Variants in TECTA observed in about 807,000 individuals in gnomAD.
TECTA encodes alpha-tectorin.
In TECTA, 128 loss-of-function variants were observed where a neutral mutation model predicts 216.8. The observed-to-expected ratio is 0.59, with a 90% CI of 0.51 to 0.68. The LOEUF (loss-of-function observed/expected upper bound fraction) is 0.68. Among genes scored for constraint, TECTA ranks in the 30% least tolerant of loss-of-function variants. The pLI is 0.00. For missense variants in TECTA, 2,551 were observed against 2,786.2 expected, an observed-to-expected ratio of 0.92 and a Z score of 1.90; for synonymous variants, 1,089 against 1,117.1, an observed-to-expected ratio of 0.97 and a Z score of 0.50.
chr11:121,137,313 C>A, intron 10 of TECTA, 108 bp from the exon 11 acceptor site: 1 of 1,431,790 alleles, frequency 7.0e-7, no homozygotes, highest in Non-Finnish European at 9.8e-7. Context: ...CACACACGCA[C>A]ATGCACTCAC....
intron 3 of TECTA, 57 bp downstream of exon 3, chr11:121,106,021 A>G (rs1421876087): frequency 6.2e-7 from 1 of 1,613,602 alleles, no homozygotes; most frequent in African/African-American, 1.3e-5. Flanking sequence ...GTTTGTCATT[A>G]AGAAAAGCAT....
intron 15 of TECTA, among the ~76,000 whole-genome samples, chr11:121,161,555 C>T (rs1354480226): frequency 3.7e-5 from 2 of 53,484 alleles, no homozygotes; most frequent in Non-Finnish European, 8.6e-5. Context: ...CCCTTCCCTT[C>T]CCTTCCCTTC....
chr11:121,155,705 G>A (rs900612725), intron 13 of TECTA, among the ~76,000 whole-genome samples: 1 of 152,124 alleles, frequency 6.6e-6, no homozygotes, highest in Admixed American at 6.6e-5. Flanking sequence ...TCTGGATAAC[G>A]CTATTTTGGT....
chr11:121,160,230 C>T lies in TECTA; in HGVS notation c.4785C>T (p.Asp1595=). Residue 1595 remains aspartate (D), a synonymous_variant, in exon 15 of 24, where the codon GAC becomes GAT. Transcript: ENST00000392793. The part of the protein sequence containing the change: ...EGFLVIDTSP[D]IQIYYNGFNV... ...TTCTGGTGATTGACACCAGCCCAGA[C>T]ATCCAGATATACTACAATGGTTTCA... 6.2e-7 allele frequency: 1 copy of T among 1,614,222 alleles called. No individual in the cohort carries two copies. The highest frequency in any genetic ancestry group is 1.3e-5 in the African/African-American group (1 of 75,064).
At chr11:121,104,087 C>T (rs532548021) in intron 2 of TECTA, among the ~76,000 whole-genome samples, 1 of 152,240 alleles carries the variant, frequency 6.6e-6, no homozygotes, top group Admixed American at 6.5e-5. Flanking sequence ...TCTTTCCATA[C>T]AGATGATGAT....
chr11:121,169,059 A>T, intron 20 of TECTA, 134 bp downstream of exon 20: 2 of 1,376,006 alleles, frequency 1.5e-6, no homozygotes, highest in Non-Finnish European at 2.0e-6. Context: ...TTATTAATTC[A>T]TCTAATTCTC....
intron 20 of TECTA, among the ~76,000 whole-genome samples, chr11:121,174,403 G>T (rs543901140): frequency 2.4e-4 from 37 of 151,936 alleles, no homozygotes; most frequent in Admixed American, 4.6e-4. Flanking sequence ...AGCATGAAGG[G>T]TTGTTGAATT....
rs117691346 is a variant in TECTA, at chr11:121,125,111, C to T, written c.1204-191C>T. ...CCATATACACAGTGCGTGGGCTGGCCCACAAGCAGCTCTCTCCATTTCCCC... is the reference window on the plus strand; with the variant it reads ...CCATATACACAGTGCGTGGGCTGGCTCACAAGCAGCTCTCTCCATTTCCCC... On this transcript the variant is annotated intron_variant, in intron 7 of 23. Transcript: ENST00000392793. 5.9e-5 allele frequency among the ~76,000 whole-genome samples: 9 copies of T among 152,348 alleles called. No homozygotes were observed. The East Asian group carries it at 1.7e-3, about 29-fold the overall frequency.
intron 3 of TECTA, 148 bp from the exon 4 acceptor site, chr11:121,109,063 G>A (rs1946419076): frequency 6.1e-6 from 5 of 822,564 alleles, no homozygotes; most frequent in Non-Finnish European, 9.7e-6. Flanking sequence ...CTTAGTCTGA[G>A]CAATGGAACC....
chr11:121,153,101 C>T lies in TECTA; in HGVS notation c.4305+21C>T, dbSNP rs1946908624. The T allele has an allele frequency of 2.5e-6, 4 of 1,604,038 alleles. No individual in the cohort carries two copies. In the African/African-American group the frequency reaches 4.0e-5, roughly 16 times the overall value. On this transcript the variant is annotated intron_variant, in intron 13 of 23. Transcript: ENST00000392793. ...ACGAGGTATGGGAGGCCAGCCCGGCCTTTTCCTCCTTGCCAATGATCAGAT... is the reference window on the plus strand; with the variant it reads ...ACGAGGTATGGGAGGCCAGCCCGGCTTTTTCCTCCTTGCCAATGATCAGAT...
At chr11:121,132,456 T>A (rs369885777) in intron 10 of TECTA, among the ~76,000 whole-genome samples, 11 of 152,198 alleles carry the variant, frequency 7.2e-5, no homozygotes, top group African/African-American at 2.7e-4. Flanking sequence ...CAAGGATCTC[T>A]GGTTCCTTCG....
chr11:121,126,688 G>A (rs1172334881), intron 8 of TECTA, among the ~76,000 whole-genome samples: 2 of 152,218 alleles, frequency 1.3e-5, no homozygotes, highest in African/African-American at 4.8e-5. Context: ...CAAGGCTAGA[G>A]GGAGAATTCT....
At chr11:121,169,878 T>A (rs1947093853) in intron 20 of TECTA, among the ~76,000 whole-genome samples, 1 of 152,202 alleles carries the variant, frequency 6.6e-6, no homozygotes, top group Non-Finnish European at 1.5e-5. Context: ...TCAAATCTTG[T>A]CTTCTGGCTA....
rs555308892 is a variant in TECTA, at chr11:121,103,436, G to A, written c.64+707G>A. Among the ~76,000 whole-genome samples the A allele has an allele frequency of 2.6e-4, 39 of 152,238 alleles. No homozygotes were observed. The South Asian group carries it at 3.7e-3, about 15-fold the overall frequency. Reference sequence around the variant, plus strand: ...ATGAGTACAAGTCTGAGATGAACACGTCAAGCCCCTGTGCAGTGCTAATAT... The same window carrying A: ...ATGAGTACAAGTCTGAGATGAACACATCAAGCCCCTGTGCAGTGCTAATAT... On this transcript the variant is annotated intron_variant, in intron 2 of 23. Transcript: ENST00000392793.
At chr11:121,126,588 G>T (rs192294063) in intron 8 of TECTA, among the ~76,000 whole-genome samples, 2 of 152,132 alleles carry the variant, frequency 1.3e-5, no homozygotes, top group Admixed American at 6.5e-5. Context: ...CCTAGTCCTT[G>T]GTTTTCTCCA....
rs1257615080 is a variant in TECTA at position 121,137,798 on chromosome 11, C to T, written c.3319C>T (p.His1107Tyr). ...CTCCTGCATCGTCTCAGGCTACGGC[C>T]ACTACCTCACCTTTGATGGCTTCCC... The part of the protein sequence containing the change: ...DASCIVSGYG[H>Y]YLTFDGFPFD... The change falls in exon 11 of 24, where the codon CAC becomes TAC. Residue 1107 changes from histidine (H) to tyrosine (Y), a missense_variant. Transcript: ENST00000392793. 6.2e-7 allele frequency: 1 copy of T among 1,613,726 alleles called. No individual in the cohort carries two copies. Among genetic ancestry groups the T allele is most frequent in the Non-Finnish European group, 8.5e-7 (1 of 1,179,726 alleles).
At chr11:121,175,290 G>A (rs1477164320) in intron 20 of TECTA, among the ~76,000 whole-genome samples, 3 of 151,588 alleles carry the variant, frequency 2.0e-5, no homozygotes, top group Admixed American at 2.0e-4. Flanking sequence ...ATGTTAGGGT[G>A]TCAATTTTGG....
chr11:121,121,657 A>T (rs182777107), intron 7 of TECTA, among the ~76,000 whole-genome samples: 2 of 152,208 alleles, frequency 1.3e-5, no homozygotes, highest in African/African-American at 4.8e-5. Flanking sequence ...CCTGAGTGCG[A>T]CAAGAACAGA....
intron 20 of TECTA, among the ~76,000 whole-genome samples, chr11:121,169,225 C>T (rs1408717744): frequency 6.6e-6 from 1 of 152,164 alleles, no homozygotes; most frequent in Non-Finnish European, 1.5e-5. Flanking sequence ...GTGCTGTTTA[C>T]TTTGAACTTC....
Sources: gnomAD v4.1 joint callset for allele counts (sites outside exome capture counted in the v4.1 genomes callset) on GRCh38, gnomAD v4.1.1 for gene constraint, MANE v1.5 for transcripts, NCBI Gene and HGNC (gene_info 2026-07-23, HGNC 2026-07-21) for gene names.